Variants in TENT4B observed in about 807,000 individuals in gnomAD.
The protein encoded by TENT4B is terminal nucleotidyltransferase 4B.
TENT4B carries 10 observed loss-of-function variants against 75.0 expected under a neutral mutation model. The observed-to-expected ratio is 0.13, with a 90% CI of 0.08 to 0.23. The LOEUF is 0.23. TENT4B is among the 10% of genes least tolerant of loss of function. The pLI is 1.00. For synonymous variants in TENT4B, 350 were observed against 357.7 expected, an observed-to-expected ratio of 0.98 and a Z score of 0.24; for missense variants, 579 against 893.8, an observed-to-expected ratio of 0.65 and a Z score of 4.49.
chr16:50,178,656 T>C (rs9934562), intron 1 of TENT4B, among the ~76,000 whole-genome samples: 12,546 of 152,166 alleles, frequency 0.082, 1,015 homozygotes, highest in African/African-American at 0.21. Context: ...TGCTGTAACA[T>C]GGATGAACGT....
At position 50,153,863 on chromosome 16, in the gene TENT4B, C is replaced by A; in HGVS notation, c.242C>A (p.Ala81Asp). The change falls in exon 1 of 12, where the codon GCC becomes GAC. Residue 81 changes from alanine (A) to aspartate (D), a missense_variant. Ala to Asp is a moderately radical substitution (Grantham distance 126). Coordinates refer to ENST00000561678, the MANE Select transcript of TENT4B (RefSeq NM_001365324.3). ...GAASAPAPAP[A>D]GMYRSGERLL... ...GCCTCGGCCCCGGCCCCGGCCCCGG[C>A]CGGCATGTATCGCTCCGGGGAGCGC... 1 of 1,424,616 alleles carries A rather than the reference C, an allele frequency of 7.0e-7. No individual in the cohort carries two copies. Among genetic ancestry groups the A allele is most frequent in the Non-Finnish European group, 9.1e-7 (1 of 1,093,876 alleles). The allele number at this position is 1,424,616 out of a possible 1,614,324, so 88.2% of individuals were successfully genotyped here. A position where few individuals can be genotyped will look rare whatever the true frequency, so the allele number is the denominator to read the frequency against.
rs758594065 is a variant in TENT4B, at chr16:50,225,299, C to T, written c.1800+14C>T. On this transcript the variant is annotated intron_variant, in intron 10 of 11. Transcript: ENST00000561678. ...TCTAGTGATGTAGTAAGTATGAAAG[C>T]CTCGGCTCTTCTGAACTCAGATGCA... 18 of 1,596,762 alleles carry T rather than the reference C, an allele frequency of 1.1e-5. No individual in the cohort carries two copies. The Admixed American group carries it at 2.4e-4, about 22-fold the overall frequency.
intron 1 of TENT4B, among the ~76,000 whole-genome samples, chr16:50,166,520 C>G (rs1438574948): frequency 6.6e-6 from 1 of 152,182 alleles, no homozygotes; most frequent in East Asian, 1.9e-4. Context: ...TGGCCATGTG[C>G]ACATCTTTGT....
intron 6 of TENT4B, among the ~76,000 whole-genome samples, chr16:50,222,845 G>A (rs1375796127): frequency 6.6e-6 from 1 of 152,196 alleles, no homozygotes; most frequent in Non-Finnish European, 1.5e-5. Context: ...AAGTGGGTAT[G>A]TTTATGTGGC....
chr16:50,227,331 GAGACGT>G (rs767772833), intron 10 of TENT4B, among the ~76,000 whole-genome samples: 10 of 152,196 alleles, frequency 6.6e-5, no homozygotes, highest in Non-Finnish European at 1.5e-4. Context: ...GACCTGCAGA[GAGACGT>G]AGCATTGTCA....
chr16:50,206,049 G>A (rs1336626933), intron 1 of TENT4B, among the ~76,000 whole-genome samples: 1 of 152,074 alleles, frequency 6.6e-6, no homozygotes, highest in South Asian at 2.1e-4. Flanking sequence ...GGGTGCTTCT[G>A]TTGTTATTTA....
intron 1 of TENT4B, among the ~76,000 whole-genome samples, chr16:50,161,229 T>C (rs11864335): frequency 0.02 from 3,102 of 152,320 alleles, 102 homozygotes; most frequent in African/African-American, 0.072. Flanking sequence ...AGTTAGACTT[T>C]CCTTAATTTG....
At chr16:50,204,358 G>A (rs936770385) in intron 1 of TENT4B, among the ~76,000 whole-genome samples, 5 of 152,150 alleles carry the variant, frequency 3.3e-5, no homozygotes, top group African/African-American at 4.8e-5. Context: ...TCTTGGCTCC[G>A]TAGATGAAGA....
chr16:50,177,851 T>C (rs1040710693), intron 1 of TENT4B, among the ~76,000 whole-genome samples: 3 of 152,174 alleles, frequency 2.0e-5, no homozygotes, highest in African/African-American at 7.2e-5. Flanking sequence ...TTTTCTAATG[T>C]TTACAGTTAA....
At chr16:50,186,304 G>A (rs1000256162) in intron 1 of TENT4B, among the ~76,000 whole-genome samples, 1 of 150,440 alleles carries the variant, frequency 6.6e-6, no homozygotes, top group Admixed American at 6.7e-5. Flanking sequence ...CATATTTGTC[G>A]CTTTGTTTCT....
intron 1 of TENT4B, among the ~76,000 whole-genome samples, chr16:50,206,529 G>T (rs779535574): frequency 1.3e-5 from 2 of 152,020 alleles, no homozygotes; most frequent in Non-Finnish European, 2.9e-5. Flanking sequence ...TGGGAAAGCT[G>T]GACCTTGATG....
chr16:50,192,294 C>A (rs1481466943), intron 1 of TENT4B, among the ~76,000 whole-genome samples: 2 of 151,822 alleles, frequency 1.3e-5, no homozygotes, highest in African/African-American at 4.8e-5. Context: ...AACAAGTTGT[C>A]AAGCAAGTAT....
chr16:50,163,704 T>C (rs957517916), intron 1 of TENT4B, among the ~76,000 whole-genome samples: 27 of 151,726 alleles, frequency 1.8e-4, no homozygotes, highest in Admixed American at 1.6e-3. Context: ...CGGCCTGATA[T>C]AATTTCTGTT....
intron 1 of TENT4B, among the ~76,000 whole-genome samples, chr16:50,159,878 T>C (rs1458190482): frequency 1.3e-5 from 2 of 152,110 alleles, no homozygotes; most frequent in Non-Finnish European, 2.9e-5. Flanking sequence ...CTAACTTAAC[T>C]TTCTTTGTTT....
intron 4 of TENT4B, among the ~76,000 whole-genome samples, chr16:50,217,096 A>G (rs1405543596): frequency 6.6e-6 from 1 of 152,144 alleles, no homozygotes; most frequent in Non-Finnish European, 1.5e-5. Flanking sequence ...CTAGTTCTTC[A>G]TCTTATACTC....
upstream of TENT4B, chr16:50,153,081 G>A: frequency 7.3e-7 from 1 of 1,373,398 alleles, no homozygotes; most frequent in Non-Finnish European, 9.5e-7. Flanking sequence ...GGGCCAGGCG[G>A]TTGCGGCCCC....
At position 50,160,557 on chromosome 16, in the gene TENT4B, T is replaced by C. The variant is rs2037985090; in HGVS notation, c.638+6298T>C. ...ATCTCAATTTCTTCCGTGAAATTCC[T>C]GCCAACAAATCATAGTGTTAGAAGT... On this transcript the variant is annotated intron_variant, in intron 1 of 11. Transcript: ENST00000561678. 2.0e-5 allele frequency among the ~76,000 whole-genome samples: 3 copies of C among 152,210 alleles called. No homozygotes were observed. The South Asian group carries it at 6.2e-4, about 31-fold the overall frequency.
chr16:50,190,103 GAAAA>G (rs2038612728), intron 1 of TENT4B, among the ~76,000 whole-genome samples: 13 of 147,334 alleles, frequency 8.8e-5, no homozygotes, highest in Non-Finnish European at 1.8e-4. Context: ...ACAAAGAAAA[GAAAA>G]GAAAGAAAGA....
At chr16:50,199,752 A>G (rs1016721661) in intron 1 of TENT4B, among the ~76,000 whole-genome samples, 1 of 152,198 alleles carries the variant, frequency 6.6e-6, no homozygotes, top group Non-Finnish European at 1.5e-5. Context: ...ATATACCACA[A>G]TTGATCCATT....
Sources: gnomAD v4.1 joint callset for allele counts (sites outside exome capture counted in the v4.1 genomes callset) on GRCh38, gnomAD v4.1.1 for gene constraint, MANE v1.5 for transcripts, NCBI Gene and HGNC (gene_info 2026-07-23, HGNC 2026-07-21) for gene names.